Variants in FSHR observed in about 807,000 individuals in gnomAD.
FSHR encodes follicle-stimulating hormone receptor.
FSHR carries 46 observed loss-of-function variants against 52.1 expected under a neutral mutation model. The ratio of observed to expected loss-of-function variants is 0.88; its 90% confidence interval spans 0.70 to 1.13. FSHR has a LOEUF of 1.13. Ranked by LOEUF, FSHR falls within the 50% of genes most tolerant of loss-of-function variation. The pLI is 0.00. For missense variants in FSHR, 964 were observed against 834.6 expected, an observed-to-expected ratio of 1.16 and a Z score of -1.91; for synonymous variants, 399 against 309.6, an observed-to-expected ratio of 1.29 and a Z score of -3.03.
chr2:49,047,033 G>A (rs1466856524), intron 2 of FSHR, among the ~76,000 whole-genome samples: 7 of 152,010 alleles, frequency 4.6e-5, no homozygotes, highest in African/African-American at 1.2e-4. Flanking sequence ...GACTGAAGTC[G>A]ATAAATCTCC....
At chr2:48,989,993 C>G (rs867819807) in intron 5 of FSHR, among the ~76,000 whole-genome samples, 2 of 152,250 alleles carry the variant, frequency 1.3e-5, no homozygotes, top group South Asian at 2.1e-4. Context: ...TATCTCCTTC[C>G]TCTCTGCTTA....
chr2:49,123,954 A>G (rs1671909055), intron 1 of FSHR, among the ~76,000 whole-genome samples: 1 of 151,878 alleles, frequency 6.6e-6, no homozygotes. Context: ...TTACTGAGGT[A>G]TAATGTAACT....
chr2:49,011,069 A>G (rs1469506889), intron 4 of FSHR, among the ~76,000 whole-genome samples: 19 of 150,812 alleles, frequency 1.3e-4, no homozygotes, highest in Non-Finnish European at 2.5e-4. Context: ...GCCTTCTGCT[A>G]GCTTTTGAAT....
intron 1 of FSHR, among the ~76,000 whole-genome samples, chr2:49,073,209 A>G (rs1572707506): frequency 1.3e-5 from 2 of 152,234 alleles, no homozygotes; most frequent in African/African-American, 2.4e-5. Flanking sequence ...CTCTAGCCAG[A>G]GCAATTAGGC....
intron 2 of FSHR, among the ~76,000 whole-genome samples, chr2:49,046,002 A>G (rs1021323247): frequency 9.9e-5 from 15 of 152,184 alleles, no homozygotes; most frequent in Admixed American, 4.6e-4. Flanking sequence ...GAAAGTGCAC[A>G]GGATGTGGTG....
chr2:49,109,681 A>C (rs780080988), intron 1 of FSHR, among the ~76,000 whole-genome samples: 1 of 152,158 alleles, frequency 6.6e-6, no homozygotes, highest in African/African-American at 2.4e-5. Context: ...TCCTGCATCT[A>C]CCACAAGCCT....
intron 4 of FSHR, among the ~76,000 whole-genome samples, chr2:49,004,344 C>T (rs1428160419): frequency 6.6e-6 from 1 of 152,214 alleles, no homozygotes; most frequent in Non-Finnish European, 1.5e-5. Flanking sequence ...AAGCTTCTCA[C>T]TGCTTCTGCA....
At chr2:49,010,416 T>C (rs538526898) in intron 4 of FSHR, among the ~76,000 whole-genome samples, 1 of 152,166 alleles carries the variant, frequency 6.6e-6, no homozygotes, top group East Asian at 1.9e-4. Flanking sequence ...GATGTGTTGC[T>C]GGATTCAGTT....
chr2:48,983,052 G>A (rs1466268426), intron 7 of FSHR, 46 bp downstream of exon 7: 2 of 1,608,584 alleles, frequency 1.2e-6, no homozygotes, highest in East Asian at 2.2e-5. Context: ...TGTTGTAAGA[G>A]CCATTTCCCT....
At chr2:49,000,281 C>G (rs1001441657) in intron 4 of FSHR, among the ~76,000 whole-genome samples, 1 of 152,130 alleles carries the variant, frequency 6.6e-6, no homozygotes, top group Non-Finnish European at 1.5e-5. Context: ...CAATTAACTT[C>G]TACATATAAC....
chr2:49,051,056 A>G (rs1668839628), intron 2 of FSHR, among the ~76,000 whole-genome samples: 1 of 152,146 alleles, frequency 6.6e-6, no homozygotes, highest in Non-Finnish European at 1.5e-5. Flanking sequence ...GTTGTTTTAC[A>G]TATTAGCAGT....
chr2:49,095,955 G>T (rs1430217157), intron 1 of FSHR, among the ~76,000 whole-genome samples: 1 of 152,120 alleles, frequency 6.6e-6, no homozygotes, highest in Non-Finnish European at 1.5e-5. Context: ...TAATTAAAAA[G>T]ACAGACAATA....
chr2:49,127,868 C>CTTTTTT (rs1672109046), intron 1 of FSHR, among the ~76,000 whole-genome samples: 1 of 37,444 alleles, frequency 2.7e-5, no homozygotes, highest in Non-Finnish European at 4.1e-5. Flanking sequence ...TCTTCTTCTT[C>CTTTTTT]TTCTTCTTCT....
intron 4 of FSHR, among the ~76,000 whole-genome samples, chr2:48,990,846 AACTT>A (rs1305070893): frequency 6.6e-6 from 1 of 152,034 alleles, no homozygotes; most frequent in African/African-American, 2.4e-5. Flanking sequence ...AGAGAAAAGA[AACTT>A]ACACTTCAGT....
At chr2:49,153,510 G>C (rs1414898242) in intron 1 of FSHR, among the ~76,000 whole-genome samples, 1 of 152,154 alleles carries the variant, frequency 6.6e-6, no homozygotes, top group Non-Finnish European at 1.5e-5. Flanking sequence ...CTCATCACGA[G>C]AGTTTGGAAA....
intron 2 of FSHR, among the ~76,000 whole-genome samples, chr2:49,023,699 C>T (rs1473957236): frequency 6.6e-6 from 1 of 152,096 alleles, no homozygotes; most frequent in Middle Eastern, 3.2e-3. Flanking sequence ...GACAAAACAC[C>T]CATAGAAAAT....
intron 4 of FSHR, among the ~76,000 whole-genome samples, chr2:48,993,577 A>C (rs1328994314): frequency 6.6e-6 from 1 of 151,454 alleles, no homozygotes; most frequent in Non-Finnish European, 1.5e-5. Flanking sequence ...TCCATACAGC[A>C]CTCTGGGCCT....
intron 1 of FSHR, among the ~76,000 whole-genome samples, chr2:49,133,468 A>T (rs1672368921): frequency 6.6e-6 from 1 of 152,202 alleles, no homozygotes; most frequent in Non-Finnish European, 1.5e-5. Context: ...AGAAAGAATC[A>T]ATATCATCAA....
chr2:49,080,242 A>C (rs1321042135), intron 1 of FSHR, among the ~76,000 whole-genome samples: 1 of 152,210 alleles, frequency 6.6e-6, no homozygotes, highest in Non-Finnish European at 1.5e-5. Context: ...TATTTTCTAC[A>C]GTCTTGATGG....
Sources: allele counts gnomAD v4.1 joint callset (sites outside exome capture counted in the v4.1 genomes callset), GRCh38; gene constraint gnomAD v4.1.1; transcripts MANE v1.5; gene names NCBI Gene and HGNC (gene_info 2026-07-23, HGNC 2026-07-21).